The following CORIN variants were observed in gnomAD, a reference collection of about 807,000 sequenced individuals.
CORIN encodes the protein atrial natriuretic peptide-converting enzyme.
Under a neutral mutation model 125.3 loss-of-function variants are expected in CORIN, and 117 were observed. That is an observed-to-expected ratio of 0.93 (90% confidence interval 0.80 to 1.09). The LOEUF is 1.09. Among genes scored for constraint, CORIN ranks in the 50% least tolerant of loss-of-function variants. The pLI is 0.00. For missense variants in CORIN, 1,253 were observed against 1,306.7 expected (o/e 0.96, Z 0.63); for synonymous variants, 450 against 466.4 (o/e 0.96, Z 0.45).
chr4:47,812,737 A>G (rs776207019), intron 1 of CORIN, among the ~76,000 whole-genome samples: 1 of 152,202 alleles, frequency 6.6e-6, no homozygotes, highest in Non-Finnish European at 1.5e-5. Context: ...ATATGCAAAT[A>G]TTGCCCTTTT....
intron 5 of CORIN, among the ~76,000 whole-genome samples, chr4:47,714,146 C>A (rs887564412): frequency 1.3e-5 from 2 of 152,134 alleles, no homozygotes; most frequent in Admixed American, 1.3e-4. Flanking sequence ...ACCCACAATG[C>A]AGAGTTATTT....
chr4:47,823,283 A>T (rs2165263), intron 1 of CORIN, among the ~76,000 whole-genome samples: 49,288 of 152,106 alleles, frequency 0.32, 9,787 homozygotes, highest in Non-Finnish European at 0.44. Flanking sequence ...ATGCCCCATC[A>T]TTCTTTGAGC....
chr4:47,626,483 TTCTC>T lies in CORIN; in HGVS notation c.2233_2236del (p.Glu745LysfsTer6). 1 of 1,614,048 alleles carries T rather than the reference TTCTC, an allele frequency of 6.2e-7. No individual in the cohort carries two copies. Among genetic ancestry groups the T allele is most frequent in the Non-Finnish European group, 8.5e-7 (1 of 1,179,922 alleles). On this transcript the variant is annotated frameshift_variant, in exon 17 of 22. Transcript: ENST00000273857. LOFTEE classifies it high-confidence loss of function. ...GTGTAATGTCAGCCACCGCGGCTCT[TTCTC>T]CTGTTCCTGTATCAATTTGGTCACA...
intron 2 of CORIN, among the ~76,000 whole-genome samples, chr4:47,795,756 T>C (rs1486506174): frequency 2.0e-5 from 3 of 151,346 alleles, no homozygotes; most frequent in South Asian, 2.1e-4. Context: ...CACAAATCAA[T>C]AGCAAAAAAA....
At chr4:47,616,444 C>T (rs1042057766) in intron 19 of CORIN, among the ~76,000 whole-genome samples, 1 of 151,752 alleles carries the variant, frequency 6.6e-6, no homozygotes, top group African/African-American at 2.4e-5. Flanking sequence ...ATTCAGTAGC[C>T]TAAAAATGAG....
At chr4:47,686,929 T>A (rs1235432020) in intron 6 of CORIN, among the ~76,000 whole-genome samples, 1 of 152,202 alleles carries the variant, frequency 6.6e-6, no homozygotes, top group African/African-American at 2.4e-5. Flanking sequence ...TCCAAAAGTT[T>A]ATTTGTCTTC....
At chr4:47,609,173 G>C (rs755860973) in intron 19 of CORIN, among the ~76,000 whole-genome samples, 2 of 152,050 alleles carry the variant, frequency 1.3e-5, no homozygotes, top group African/African-American at 2.4e-5. Context: ...CATCATTGCT[G>C]TTCTACAAAT....
At chr4:47,751,582 T>A (rs1456384826) in intron 4 of CORIN, among the ~76,000 whole-genome samples, 1 of 152,192 alleles carries the variant, frequency 6.6e-6, no homozygotes, top group Non-Finnish European at 1.5e-5. Flanking sequence ...CAAATTTTTC[T>A]TCTTCCTCCA....
intron 12 of CORIN, among the ~76,000 whole-genome samples, chr4:47,660,690 G>A (rs1045807390): frequency 7.9e-5 from 12 of 152,272 alleles, no homozygotes; most frequent in African/African-American, 2.6e-4. Flanking sequence ...ATGCTAGCAA[G>A]GATGTGGAGA....
intron 4 of CORIN, among the ~76,000 whole-genome samples, chr4:47,750,572 C>T (rs1728853623): frequency 1.3e-5 from 2 of 152,136 alleles, no homozygotes; most frequent in South Asian, 2.1e-4. Context: ...GCTGTTAGCA[C>T]CCTAGGTTTA....
At chr4:47,752,850 G>C (rs1291746442) in intron 4 of CORIN, among the ~76,000 whole-genome samples, 1 of 152,178 alleles carries the variant, frequency 6.6e-6, no homozygotes, top group Non-Finnish European at 1.5e-5. Flanking sequence ...CAGGGGATGA[G>C]AGATTAACAG....
At chr4:47,609,184 C>A (rs9291308) in intron 19 of CORIN, among the ~76,000 whole-genome samples, 40,912 of 151,962 alleles carry the variant, frequency 0.27, 5,648 homozygotes, top group Admixed American at 0.35. Flanking sequence ...TTCTACAAAT[C>A]TTAGGAATCT....
At chr4:47,818,429 A>G (rs1326223464) in intron 1 of CORIN, among the ~76,000 whole-genome samples, 1 of 152,206 alleles carries the variant, frequency 6.6e-6, no homozygotes, top group Non-Finnish European at 1.5e-5. Flanking sequence ...AAAGAAATCA[A>G]ACAGAGGAAG....
intron 1 of CORIN, among the ~76,000 whole-genome samples, chr4:47,834,520 C>T (rs781454312): frequency 6.6e-6 from 1 of 152,166 alleles, no homozygotes; most frequent in Non-Finnish European, 1.5e-5. Context: ...TCCTAGAAAT[C>T]TACTACACAG....
intron 13 of CORIN, chr4:47,652,657 T>C (rs551670342): frequency 3.9e-5 from 6 of 152,320 alleles, no homozygotes; most frequent in African/African-American, 1.2e-4. Flanking sequence ...CAAATTACCA[T>C]TGGCATTTAT....
At position 47,645,078 on chromosome 4, in the gene CORIN, T is replaced by TAA. The variant is rs1276709493; in HGVS notation, c.1957+2_1957+3insTT. On this transcript the variant is annotated splice_region_variant and intron_variant, in intron 14 of 21. Coordinates refer to ENST00000273857, the MANE Select transcript of CORIN (RefSeq NM_006587.4). ...CTGTTGACAAATTCGCATAAGCACTTACAGCAGTTTTTCTCGTCCATGTAA... is the reference window on the plus strand; with the variant it reads ...CTGTTGACAAATTCGCATAAGCACTTAAACAGCAGTTTTTCTCGTCCATGTAA... 1.3e-6 allele frequency: 2 copies of TAA among 1,566,822 alleles called. No individual in the cohort carries two copies. Among genetic ancestry groups the TAA allele is most frequent in the African/African-American group, 2.7e-5 (2 of 73,640 alleles).
intron 2 of CORIN, among the ~76,000 whole-genome samples, chr4:47,791,670 T>A (rs1418839910): frequency 6.6e-6 from 1 of 152,204 alleles, no homozygotes; most frequent in Non-Finnish European, 1.5e-5. Flanking sequence ...GACATATACA[T>A]ATACACACAC....
intron 21 of CORIN, among the ~76,000 whole-genome samples, chr4:47,596,307 C>A (rs911521970): frequency 1.3e-5 from 2 of 151,948 alleles, no homozygotes; most frequent in Non-Finnish European, 2.9e-5. Context: ...AAGATCCCCC[C>A]CACACACAGT....
chr4:47,669,352 G>A (rs1028995357), intron 10 of CORIN, among the ~76,000 whole-genome samples: 2 of 151,976 alleles, frequency 1.3e-5, no homozygotes, highest in Non-Finnish European at 2.9e-5. Context: ...ATCTAGCTGC[G>A]TATATAATAA....
Sources: allele counts gnomAD v4.1 joint callset (sites outside exome capture counted in the v4.1 genomes callset), GRCh38; gene constraint gnomAD v4.1.1; transcripts MANE v1.5; gene names NCBI Gene and HGNC (gene_info 2026-07-23, HGNC 2026-07-21).